RNF24: variants seen among roughly 807,000 people sequenced by gnomAD.
RNF24 encodes ring finger protein 24.
RNF24 carries 14 observed loss-of-function variants against 20.0 expected under a neutral mutation model. The ratio of observed to expected loss-of-function variants is 0.70; its 90% CI spans 0.46 to 1.10. RNF24 has a LOEUF of 1.10. Ranked by LOEUF, RNF24 falls within the 50% of genes least tolerant of loss-of-function variation. The pLI, the probability that RNF24 is intolerant of heterozygous loss-of-function variation, is 0.00. For synonymous variants in RNF24, 45 were observed against 61.1 expected (o/e 0.74, Z 1.23); for missense variants, 124 against 177.6 (o/e 0.70, Z 1.71).
intron 4 of RNF24, among the ~76,000 whole-genome samples, chr20:3,944,523 C>G (rs1479728223): frequency 6.6e-6 from 1 of 151,986 alleles, no homozygotes. Flanking sequence ...TTAGAAAACC[C>G]AGAAAGGGAG....
intron 1 of RNF24, among the ~76,000 whole-genome samples, chr20:3,967,818 ACT>A (rs1293573856): frequency 6.7e-6 from 1 of 150,346 alleles, no homozygotes; most frequent in Non-Finnish European, 1.5e-5. Context: ...ATATGGTGAA[ACT>A]CTGTCTCTAT....
intron 2 of RNF24, among the ~76,000 whole-genome samples, chr20:3,953,339 G>C (rs2091103738): frequency 6.8e-6 from 1 of 146,366 alleles, no homozygotes; most frequent in African/African-American, 2.5e-5. Context: ...AGTTTTAGTA[G>C]AGACGAGGTT....
intron 1 of RNF24, 130 bp downstream of exon 1, chr20:4,015,307 G>A (rs559965557): frequency 6.6e-6 from 1 of 151,676 alleles, no homozygotes; most frequent in East Asian, 1.9e-4. Context: ...CGCCGGGAGA[G>A]TGTGTGTGTG....
rs548963442 is a variant in RNF24, at chr20:3,934,303, G to C, written c.309-102C>G. ...ATCTGTCACCCAGACAACGTCTGCT[G>C]TATGGTCCAAGGAGCTCCCCTCCTA... On this transcript the variant is annotated intron_variant, in intron 5 of 5. Transcript: ENST00000358395. This position sits in a 1 kb window ranked among gnomAD's most constrained non-coding sequence, Gnocchi z 4.0. 1 of 1,250,554 alleles carries C rather than the reference G, an allele frequency of 8.0e-7. No individual in the cohort carries two copies. Among genetic ancestry groups the C allele is most frequent in the African/African-American group, 1.5e-5 (1 of 64,746 alleles). 77.5% of individuals were successfully genotyped at this position (1,250,554 alleles called of 1,614,324 possible).
Position 3,927,990 on chromosome 20 carries a change from A to C in RNF24, c.*6073T>G, listed in dbSNP as rs1012866590. ...GAATTGGCAAAGTAAGGTTTACTAC[A>C]CAAGCCCCTCTTTTTCTTCTGATAT... On this transcript the variant is annotated 3_prime_UTR_variant, in exon 6 of 6. Coordinates refer to ENST00000358395, the MANE Select transcript of RNF24 (RefSeq NM_001134337.3). 2 of 152,226 alleles carry C rather than the reference A, an allele frequency of 1.3e-5. No homozygotes were observed. The highest frequency in any genetic ancestry group is 2.4e-5 in the African/African-American group (1 of 41,460). 9.4% of individuals were successfully genotyped at this position (152,226 alleles called of 1,614,324 possible).
chr20:3,998,547 C>T (rs1313703847), intron 1 of RNF24, among the ~76,000 whole-genome samples: 6 of 126,996 alleles, frequency 4.7e-5, no homozygotes, highest in Non-Finnish European at 7.8e-5. Flanking sequence ...TGCACGCCAG[C>T]CTGGGCAACA....
intron 1 of RNF24, among the ~76,000 whole-genome samples, chr20:3,973,171 C>G (rs1382745610): frequency 1.3e-5 from 2 of 151,614 alleles, no homozygotes; most frequent in African/African-American, 4.9e-5. Flanking sequence ...CCACTGCACT[C>G]CAGCCTGGGT....
intron 1 of RNF24, among the ~76,000 whole-genome samples, chr20:3,970,613 G>C (rs1162919021): frequency 2.0e-5 from 3 of 152,056 alleles, no homozygotes; most frequent in African/African-American, 7.2e-5. Flanking sequence ...TGAAAACACT[G>C]AAATTCTCAG....
rs556575365 is a variant in RNF24 at position 3,932,002 on chromosome 20, C to G, written c.*2061G>C. The stretch of plus-strand genomic sequence containing the variant: ...AGGGACAGAAAAAGCCTGCAACTTT[C>G]AGTTGGGAGAATCCTATAAAAGCTG... On this transcript the variant is annotated 3_prime_UTR_variant, in exon 6 of 6. Coordinates refer to ENST00000358395, the MANE Select transcript of RNF24 (RefSeq NM_001134337.3). 1 of 152,344 alleles carries G rather than the reference C, an allele frequency of 6.6e-6. No individual in the cohort carries two copies. Among genetic ancestry groups the G allele is most frequent in the South Asian group, 2.1e-4 (1 of 4,826 alleles). The allele number at this position is 152,344 out of a possible 1,614,324, so 9.4% of individuals were successfully genotyped here.
chr20:4,008,518 T>TTA (rs1169740031), intron 1 of RNF24, among the ~76,000 whole-genome samples: 1 of 118,478 alleles, frequency 8.4e-6, no homozygotes. Context: ...ATATTATATA[T>TTA]TATATATATA....
intron 1 of RNF24, among the ~76,000 whole-genome samples, chr20:3,969,957 GAC>G (rs1247635696): frequency 1.3e-5 from 2 of 151,984 alleles, no homozygotes; most frequent in African/African-American, 2.4e-5. Context: ...TTTTAGTAGA[GAC>G]AGAGTTTCAC....
At chr20:3,958,922 G>A (rs937107028) in intron 2 of RNF24, among the ~76,000 whole-genome samples, 1 of 152,186 alleles carries the variant, frequency 6.6e-6, no homozygotes, top group South Asian at 2.1e-4. Context: ...GATTATAGGC[G>A]TAAGCCACCA....
At chr20:3,942,080 G>T (rs942372210) in intron 4 of RNF24, among the ~76,000 whole-genome samples, 1 of 89,484 alleles carries the variant, frequency 1.1e-5, no homozygotes, top group African/African-American at 4.1e-5. Flanking sequence ...TCTCAAAAAA[G>T]AAAAAAAAAA....
At chr20:4,012,406 GAC>G (rs2122175210) in intron 1 of RNF24, among the ~76,000 whole-genome samples, 1 of 147,600 alleles carries the variant, frequency 6.8e-6, no homozygotes, top group East Asian at 2.0e-4. Flanking sequence ...GACAGGGTGA[GAC>G]TCCATCTCAA....
At chr20:3,986,913 C>CT (rs907993786) in intron 1 of RNF24, among the ~76,000 whole-genome samples, 19 of 151,136 alleles carry the variant, frequency 1.3e-4, no homozygotes, top group African/African-American at 4.6e-4. Flanking sequence ...CCTTTTTTTT[C>CT]TTTTTTTTAA....
intron 1 of RNF24, among the ~76,000 whole-genome samples, chr20:3,995,783 G>A (rs527795926): frequency 6.6e-6 from 1 of 151,838 alleles, no homozygotes; most frequent in Admixed American, 6.6e-5. Context: ...CGATGGGGCA[G>A]ATCAAATGTT....
chr20:3,954,068 T>G (rs2091113914), intron 2 of RNF24, among the ~76,000 whole-genome samples: 1 of 152,160 alleles, frequency 6.6e-6, no homozygotes. Flanking sequence ...GGTTTTTTCT[T>G]TTTAAAAATT....
At chr20:3,972,787 C>T (rs1978472034) in intron 1 of RNF24, among the ~76,000 whole-genome samples, 1 of 152,034 alleles carries the variant, frequency 6.6e-6, no homozygotes, top group African/African-American at 2.4e-5. Flanking sequence ...CCTGTAGTCC[C>T]AGTTACTCAA....
intron 1 of RNF24, among the ~76,000 whole-genome samples, chr20:3,967,705 G>T (rs1319931080): frequency 6.6e-6 from 1 of 152,144 alleles, no homozygotes; most frequent in Non-Finnish European, 1.5e-5. Context: ...CTTCAAAAAT[G>T]CTCAGAAGTG....
Sources: gnomAD v4.1 joint callset for allele counts (sites outside exome capture counted in the v4.1 genomes callset) on GRCh38, gnomAD v4.1.1 for gene constraint, Gnocchi (gnomAD v3.1) non-coding constraint, MANE v1.5 for transcripts, NCBI Gene and HGNC (gene_info 2026-07-23, HGNC 2026-07-21) for gene names.